RAB27B: variants seen among roughly 807,000 people sequenced by gnomAD.
RAB27B encodes RAB27B, member RAS oncogene family.
Under a neutral mutation model 24.6 loss-of-function variants are expected in RAB27B, and 15 were observed. The observed-to-expected ratio is 0.61, with a 90% CI of 0.41 to 0.94. The LOEUF (loss-of-function observed/expected upper bound fraction) is 0.94, where lower values mean the gene tolerates loss of function less well. RAB27B is among the 40% of genes least tolerant of loss of function. The pLI is 0.00. For synonymous variants in RAB27B, 105 were observed against 92.5 expected (o/e 1.14, Z -0.78); for missense variants, 261 against 266.8 (o/e 0.98, Z 0.15).
intron 2 of RAB27B, among the ~76,000 whole-genome samples, chr18:54,801,020 T>TTTTTTG (rs1568070920): frequency 1.4e-4 from 21 of 145,090 alleles, no homozygotes; most frequent in Admixed American, 6.8e-4. Flanking sequence ...TTTTTTTTTT[T>TTTTTTG]TTTTTTTTTT....
intron 2 of RAB27B, among the ~76,000 whole-genome samples, chr18:54,781,011 C>T (rs1312389002): frequency 1.3e-5 from 2 of 152,180 alleles, no homozygotes; most frequent in Non-Finnish European, 2.9e-5. Context: ...TAGGATCATG[C>T]TGGGCATGCA....
At chr18:54,818,477 T>C (rs553224470) in intron 2 of RAB27B, among the ~76,000 whole-genome samples, 1 of 152,276 alleles carries the variant, frequency 6.6e-6, no homozygotes, top group South Asian at 2.1e-4. Flanking sequence ...ATTTTTTTTT[T>C]GGTGTAAGAC....
chr18:54,763,594 C>T (rs1189899069), intron 2 of RAB27B, among the ~76,000 whole-genome samples: 1 of 152,194 alleles, frequency 6.6e-6, no homozygotes, highest in East Asian at 1.9e-4. Flanking sequence ...CCTGGAAATA[C>T]AGGCTGAAAT....
chr18:54,789,603 A>C (rs1909188478), intron 2 of RAB27B, among the ~76,000 whole-genome samples: 1 of 152,114 alleles, frequency 6.6e-6, no homozygotes. Flanking sequence ...TCCAACACAA[A>C]ATAATGTTTT....
At position 54,889,502 on chromosome 18, in the gene RAB27B, C is replaced by T; in HGVS notation, c.*89C>T. On this transcript the variant is annotated 3_prime_UTR_variant, in exon 6 of 6. Coordinates refer to ENST00000262094, the MANE Select transcript of RAB27B (RefSeq NM_004163.4). ...ACCACACAATTGTTGTTGAGTAAAC[C>T]ACGCACAATGGCATGTCTTTCTTTT... 6 of 1,150,150 alleles carry T rather than the reference C, an allele frequency of 5.2e-6. No individual in the cohort carries two copies. In the South Asian group the frequency reaches 8.9e-5, roughly 17 times the overall value. The allele number at this position is 1,150,150 out of a possible 1,614,324, so 71.2% of individuals were successfully genotyped here.
intron 2 of RAB27B, among the ~76,000 whole-genome samples, chr18:54,877,948 C>T (rs1912773655): frequency 1.3e-5 from 2 of 152,098 alleles, no homozygotes; most frequent in Admixed American, 1.3e-4. Flanking sequence ...TCTCTTGTCT[C>T]CCAAAGTGTA....
In RAB27B at chr18:54,854,690, C is replaced by T. The variant is rs188700001; in HGVS notation, c.-19-22877C>T. On this transcript the variant is annotated intron_variant, in intron 1 of 5. Transcript: ENST00000262094. ...TTTCAGAGTCCAGTCCCTTACAGAACGATTAATTCATCAGCTGCTGAAGAA... is the reference window on the plus strand; with the variant it reads ...TTTCAGAGTCCAGTCCCTTACAGAATGATTAATTCATCAGCTGCTGAAGAA... Among the ~76,000 whole-genome samples the T allele has an allele frequency of 9.7e-4, 148 of 152,270 alleles. 1 individual carries two copies. The highest frequency in any genetic ancestry group is 1.7e-3 in the Non-Finnish European group (115 of 68,026).
At position 54,891,554 on chromosome 18, in the gene RAB27B, A is replaced by G. The variant is rs1913371351; in HGVS notation, c.*2141A>G. 6.6e-6 allele frequency: 1 copy of G among 152,130 alleles called. No individual in the cohort carries two copies. Among genetic ancestry groups the G allele is most frequent in the South Asian group, 2.1e-4 (1 of 4,830 alleles). The allele number at this position is 152,130 out of a possible 1,614,324, so 9.4% of individuals were successfully genotyped here. Reference sequence around the variant, plus strand: ...ATTTTGGTGAACTTTTGGGGTCATTATATCAATTTTTTCTTTGGATTCAAA... The same window carrying G: ...ATTTTGGTGAACTTTTGGGGTCATTGTATCAATTTTTTCTTTGGATTCAAA... On this transcript the variant is annotated 3_prime_UTR_variant, in exon 6 of 6. Transcript: ENST00000262094.
At chr18:54,723,894 A>G (rs1190188631) in intron 2 of RAB27B, among the ~76,000 whole-genome samples, 4 of 152,216 alleles carry the variant, frequency 2.6e-5, no homozygotes, top group Non-Finnish European at 4.4e-5. Flanking sequence ...GTCATAAAGC[A>G]ATAAGGGCAA....
chr18:54,832,467 A>C (rs902744323), intron 1 of RAB27B, among the ~76,000 whole-genome samples: 4 of 152,224 alleles, frequency 2.6e-5, no homozygotes, highest in Non-Finnish European at 5.9e-5. Flanking sequence ...TGGAATTATC[A>C]GCTTGGGCTT....
chr18:54,840,660 G>A (rs747337034), intron 1 of RAB27B, among the ~76,000 whole-genome samples: 1 of 152,104 alleles, frequency 6.6e-6, no homozygotes, highest in Non-Finnish European at 1.5e-5. Flanking sequence ...TTGATCCATA[G>A]TTCTGAAAAT....
chr18:54,892,277 G>A lies in RAB27B; in HGVS notation c.*2864G>A, dbSNP rs371738260. On this transcript the variant is annotated 3_prime_UTR_variant, in exon 6 of 6. Coordinates refer to ENST00000262094, the MANE Select transcript of RAB27B (RefSeq NM_004163.4). ...TTTGATGTTTACATTGCTCTAACTC[G>A]GTGCCTCAGATACCTCTGTGACCAA... 2.0e-5 allele frequency: 3 copies of A among 151,882 alleles called. No individual in the cohort carries two copies. The highest frequency in any genetic ancestry group is 2.1e-4 in the South Asian group (1 of 4,802). The allele number at this position is 151,882 out of a possible 1,614,324, so 9.4% of individuals were successfully genotyped here. A position where few individuals can be genotyped will look rare whatever the true frequency, so the allele number is the denominator to read the frequency against.
At chr18:54,747,422 TA>T (rs763320936) in intron 2 of RAB27B, among the ~76,000 whole-genome samples, 3 of 152,298 alleles carry the variant, frequency 2.0e-5, no homozygotes, top group East Asian at 1.9e-4. Context: ...GTTTTAGTCT[TA>T]AATAGATTTA....
intron 1 of RAB27B, among the ~76,000 whole-genome samples, chr18:54,845,677 G>T (rs1180344414): frequency 6.6e-6 from 1 of 152,050 alleles, no homozygotes; most frequent in Non-Finnish European, 1.5e-5. Flanking sequence ...TTGCTACAAG[G>T]TTATCCAAGT....
chr18:54,821,866 G>T (rs1388744256), intron 2 of RAB27B, among the ~76,000 whole-genome samples: 1 of 152,192 alleles, frequency 6.6e-6, no homozygotes, highest in Admixed American at 6.5e-5. Flanking sequence ...CAATTCTTCT[G>T]CCTCAGTCTC....
At chr18:54,740,629 T>A (rs1324993407) in intron 2 of RAB27B, among the ~76,000 whole-genome samples, 3 of 152,200 alleles carry the variant, frequency 2.0e-5, no homozygotes, top group Non-Finnish European at 4.4e-5. Flanking sequence ...GCTAAAGTGG[T>A]CCTGTTGGCA....
intron 1 of RAB27B, among the ~76,000 whole-genome samples, chr18:54,832,980 T>C (rs1268946083): frequency 6.6e-6 from 1 of 152,170 alleles, no homozygotes; most frequent in Admixed American, 6.5e-5. Context: ...GCTACGTACA[T>C]AGAAGCTCTA....
chr18:54,843,742 G>A (rs1229597317), intron 1 of RAB27B, among the ~76,000 whole-genome samples: 3 of 152,198 alleles, frequency 2.0e-5, no homozygotes, highest in Non-Finnish European at 4.4e-5. Flanking sequence ...ATAATAACAT[G>A]AGGATTATTT....
intron 1 of RAB27B, among the ~76,000 whole-genome samples, chr18:54,844,399 T>TTTCTTTTCTTTC (rs1192171948): frequency 1.0e-5 from 1 of 100,318 alleles, no homozygotes; most frequent in African/African-American, 4.0e-5. Flanking sequence ...TCTTTCTTTC[T>TTTCTTTTCTTTC]TTTCTTTTCT....
Sources: allele counts gnomAD v4.1 joint callset (sites outside exome capture counted in the v4.1 genomes callset), GRCh38; gene constraint gnomAD v4.1.1; transcripts MANE v1.5; gene names NCBI Gene and HGNC (gene_info 2026-07-23, HGNC 2026-07-21).